LINGO2: variants seen among roughly 807,000 people sequenced by gnomAD.
LINGO2 encodes leucine-rich repeat and immunoglobulin-like domain-containing nogo receptor-interacting protein 2.
A neutral mutation model predicts 30.6 loss-of-function variants in LINGO2; 14 were observed. The observed-to-expected ratio is 0.46, with a 90% CI of 0.30 to 0.72. LINGO2 has a LOEUF of 0.72. Among genes scored for constraint, LINGO2 ranks in the 30% least tolerant of loss-of-function variants. The pLI is 0.07. For synonymous variants in LINGO2, 317 were observed against 288.5 expected, an observed-to-expected ratio of 1.10 and a Z score of -1.00; for missense variants, 729 against 751.7, an observed-to-expected ratio of 0.97 and a Z score of 0.35.
At chr9:28,889,639 G>A in the LINGO2 span, among the ~76,000 whole-genome samples, 3 of 151,794 alleles carry the variant, frequency 2.0e-5, no homozygotes, top group African/African-American at 7.3e-5. Flanking sequence ...ATTAATAACT[G>A]GAATCTTTTC....
At chr9:28,804,026 T>C in the LINGO2 span, among the ~76,000 whole-genome samples, 1 of 152,096 alleles carries the variant, frequency 6.6e-6, no homozygotes, top group East Asian at 1.9e-4. Flanking sequence ...CATCAAATAA[T>C]ATTCATATTT....
At position 28,567,967 on chromosome 9, in the gene LINGO2, C is replaced by T. The variant is rs147723231; in HGVS notation, c.-364-91942G>A. ...GAACAAGCAAAGCTGACTTCCCATC[C>T]CACAAAATAAAAGATTCAGCAAATC... On this transcript the variant is annotated intron_variant, in intron 1 of 5. Transcript: ENST00000379992. Among the ~76,000 whole-genome samples, 892 of 152,064 alleles carry T rather than the reference C, an allele frequency of 5.9e-3. 13 individuals are homozygous for T. Among genetic ancestry groups the T allele is most frequent in the Non-Finnish European group, 9.4e-3 (639 of 68,010 alleles).
At chr9:28,470,399 C>G (rs1825474165) in intron 2 of LINGO2, among the ~76,000 whole-genome samples, 1 of 152,118 alleles carries the variant, frequency 6.6e-6, no homozygotes, top group African/African-American at 2.4e-5. Flanking sequence ...CATCCAGGCT[C>G]TCACACTGTT....
chr9:28,389,605 T>C (rs1404652623), intron 2 of LINGO2, among the ~76,000 whole-genome samples: 1 of 152,130 alleles, frequency 6.6e-6, no homozygotes, highest in African/African-American at 2.4e-5. Flanking sequence ...GGATTCACAG[T>C]CAGCCCCACT....
the LINGO2 span, among the ~76,000 whole-genome samples, chr9:29,095,536 T>C: frequency 1.4e-5 from 2 of 138,578 alleles, no homozygotes. Flanking sequence ...TCAATGCATG[T>C]GCTCACTGAA....
At chr9:28,887,900 A>T in the LINGO2 span, among the ~76,000 whole-genome samples, 1 of 152,142 alleles carries the variant, frequency 6.6e-6, no homozygotes, top group African/African-American at 2.4e-5. Context: ...ATTTGCAAAA[A>T]ATTTAAAGGC....
At chr9:27,948,314 T>C (rs556524669) in exon 6 of LINGO2, 5 of 152,768 alleles carry the variant, frequency 3.3e-5, no homozygotes, top group African/African-American at 1.2e-4. Flanking sequence ...CTCATTCATA[T>C]TGCTTTAAAA....
chr9:28,476,710 C>A (rs759254282), intron 1 of LINGO2, among the ~76,000 whole-genome samples: 1 of 151,892 alleles, frequency 6.6e-6, no homozygotes, highest in Non-Finnish European at 1.5e-5. Flanking sequence ...GAAAACAGAC[C>A]GGAAGGAGAC....
the LINGO2 span, among the ~76,000 whole-genome samples, chr9:29,038,673 G>GAAAAA: frequency 7.9e-6 from 1 of 126,078 alleles, no homozygotes; most frequent in African/African-American, 3.0e-5. Context: ...TCACTACTCA[G>GAAAAA]AAAAAAAAAA....
intron 4 of LINGO2, among the ~76,000 whole-genome samples, chr9:28,241,890 C>G (rs1431321245): frequency 6.6e-6 from 1 of 152,040 alleles, no homozygotes; most frequent in Admixed American, 6.6e-5. Context: ...AGGGACCTGA[C>G]TACTGAAAGA....
At chr9:28,180,407 A>G (rs1328066619) in intron 4 of LINGO2, among the ~76,000 whole-genome samples, 1 of 152,190 alleles carries the variant, frequency 6.6e-6, no homozygotes, top group East Asian at 1.9e-4. Context: ...TGAAAGCTAC[A>G]AGTGTGTGAA....
chr9:28,156,678 C>T (rs1358953133), intron 4 of LINGO2, among the ~76,000 whole-genome samples: 2 of 152,160 alleles, frequency 1.3e-5, no homozygotes, highest in African/African-American at 4.8e-5. Context: ...CACCTATGAG[C>T]CTGTAAAATC....
the LINGO2 span, among the ~76,000 whole-genome samples, chr9:28,966,764 A>G: frequency 6.6e-6 from 1 of 152,156 alleles, no homozygotes; most frequent in Admixed American, 6.5e-5. Context: ...TAGAGTCCCC[A>G]GGATGAACTG....
intron 4 of LINGO2, among the ~76,000 whole-genome samples, chr9:28,094,920 T>A (rs1032131782): frequency 6.6e-6 from 1 of 152,116 alleles, no homozygotes; most frequent in Admixed American, 6.6e-5. Context: ...TTAGAGGACC[T>A]AGGAGATAGG....
At chr9:29,030,777 C>T in the LINGO2 span, among the ~76,000 whole-genome samples, 576 of 152,244 alleles carry the variant, frequency 3.8e-3, 5 homozygotes, top group African/African-American at 0.013. Context: ...TAGGGAAATA[C>T]TTTGAGACTG....
the LINGO2 span, among the ~76,000 whole-genome samples, chr9:28,709,613 C>T: frequency 1.1e-3 from 171 of 152,020 alleles, no homozygotes; most frequent in African/African-American, 3.8e-3. Context: ...AGTATTAGTA[C>T]ATGTCACAAA....
chr9:28,885,354 T>TACACACACACACACACAC, the LINGO2 span, among the ~76,000 whole-genome samples: 825 of 47,024 alleles, frequency 0.018, no homozygotes, highest in Non-Finnish European at 0.024. Context: ...GGGAGATATA[T>TACACACACACACACACAC]ATATATACAC....
intron 1 of LINGO2, among the ~76,000 whole-genome samples, chr9:28,554,082 T>C (rs1236316219): frequency 1.3e-5 from 2 of 151,904 alleles, no homozygotes; most frequent in African/African-American, 4.8e-5. Flanking sequence ...AGGAAGAAAC[T>C]GCATCAACTA....
chr9:28,669,831 A>C (rs1029171855), intron 1 of LINGO2, among the ~76,000 whole-genome samples: 9 of 152,200 alleles, frequency 5.9e-5, no homozygotes, highest in African/African-American at 2.2e-4. Context: ...ATTAATAAAG[A>C]AACATCTTCA....
Sources: gnomAD v4.1 joint callset for allele counts (sites outside exome capture counted in the v4.1 genomes callset) on GRCh38, gnomAD v4.1.1 for gene constraint, MANE v1.5 for transcripts, NCBI Gene and HGNC (gene_info 2026-07-23, HGNC 2026-07-21) for gene names.